UTP4: variants seen among roughly 807,000 people sequenced by gnomAD.
The protein encoded by UTP4 is U3 small nucleolar RNA-associated protein 4 homolog.
UTP4 carries 45 observed loss-of-function variants against 82.4 expected under a neutral mutation model. The observed-to-expected ratio is 0.55, with a 90% confidence interval of 0.43 to 0.70. UTP4 has a LOEUF of 0.70. UTP4 is among the 30% of genes least tolerant of loss of function. UTP4 has a pLI of 0.00. For missense variants in UTP4, 819 were observed against 858.3 expected, an observed-to-expected ratio of 0.95 and a Z score of 0.57; for synonymous variants, 348 against 300.3, an observed-to-expected ratio of 1.16 and a Z score of -1.64.
intron 6 of UTP4, among the ~76,000 whole-genome samples, chr16:69,149,023 A>G (rs993654132): frequency 6.6e-6 from 1 of 151,854 alleles, no homozygotes; most frequent in South Asian, 2.1e-4. Flanking sequence ...AGGCGGGCGG[A>G]TCACCTGAGG....
intron 11 of UTP4, among the ~76,000 whole-genome samples, chr16:69,156,756 C>G (rs1047255887): frequency 2.0e-5 from 3 of 152,206 alleles, no homozygotes; most frequent in Admixed American, 2.0e-4. Flanking sequence ...TGCGCCCGGC[C>G]CACACCCAGC....
At position 69,163,094 on chromosome 16, in the gene UTP4, G is replaced by A. The variant is rs574869454; in HGVS notation, c.1563G>A (p.Thr521=). Reference sequence around the variant, plus strand: ...TTATTTGTTCCCAGCTTCACTGCACGGTGCCTGCTTACAATTTCCCAGTGA... The same window carrying A: ...TTATTTGTTCCCAGCTTCACTGCACAGTGCCTGCTTACAATTTCCCAGTGA... ...YNVKQLKLHC[T]VPAYNFPVTA... is the part of the protein sequence containing the mutation. Residue 521 remains threonine, a synonymous_variant, in exon 14 of 17, where the codon ACG becomes ACA. Coordinates refer to ENST00000314423, the MANE Select transcript of UTP4 (RefSeq NM_032830.3). 2.7e-5 allele frequency: 43 copies of A among 1,613,788 alleles called. No homozygotes were observed. Among genetic ancestry groups the A allele is most frequent in the South Asian group, 1.5e-4 (14 of 91,080 alleles).
intron 1 of UTP4, 35 bp from the exon 2 acceptor site, chr16:69,133,423 C>T (rs1308907741): frequency 6.2e-7 from 1 of 1,605,630 alleles, no homozygotes. Flanking sequence ...CTGCAGTTAA[C>T]ATATAGCAAT....
intron 6 of UTP4, among the ~76,000 whole-genome samples, chr16:69,150,282 A>T (rs1472388727): frequency 1.3e-5 from 2 of 151,958 alleles, no homozygotes; most frequent in Admixed American, 6.6e-5. Context: ...TTCTAAGGAG[A>T]TCTATGTTGG....
At position 69,155,964 on chromosome 16, in the gene UTP4, T is replaced by C. The variant is rs769745651; in HGVS notation, c.1258T>C (p.Tyr420His). The change falls in exon 11 of 17, where the codon TAT becomes CAT. Residue 420 changes from tyrosine (Y) to histidine (H), a missense_variant. By Grantham distance (83) the Tyr-to-His change is moderately conservative (BLOSUM62 2). Coordinates refer to ENST00000314423, the MANE Select transcript of UTP4 (RefSeq NM_032830.3). ...VSRFFLYRLN[Y>H]EHDNISLKRV... is the part of the protein sequence containing the mutation. Reference sequence around the variant, plus strand: ...TCGGTTTTTTCTCTATCGGCTGAATTATGAACATGACAACATAAGCCTCAA... The same window carrying C: ...TCGGTTTTTTCTCTATCGGCTGAATCATGAACATGACAACATAAGCCTCAA... The C allele has an allele frequency of 1.2e-6, 2 of 1,614,176 alleles. No homozygotes were observed. Among genetic ancestry groups the C allele is most frequent in the Admixed American group, 1.7e-5 (1 of 60,014 alleles).
intron 4 of UTP4, chr16:69,139,060 C>T (rs986443369): frequency 6.7e-6 from 1 of 149,512 alleles, no homozygotes; most frequent in Non-Finnish European, 1.5e-5. Context: ...CCTCTGCCTC[C>T]TGGGTTCAAG....
At chr16:69,132,924 T>C (rs1445385638) in intron 1 of UTP4, 1 of 204,252 alleles carries the variant, frequency 4.9e-6, no homozygotes, top group East Asian at 1.6e-4. Context: ...GTTCCTAACC[T>C]TGAAGCTAGG....
chr16:69,144,043 A>G (rs780745427), intron 6 of UTP4, among the ~76,000 whole-genome samples: 8 of 150,824 alleles, frequency 5.3e-5, no homozygotes, highest in Non-Finnish European at 7.4e-5. Context: ...CCCTGTCACC[A>G]CACCCAGCTA....
In UTP4 at chr16:69,136,745, A is replaced by G. The variant is rs1962823941; in HGVS notation, c.209A>G (p.Glu70Gly). Residue 70 changes from glutamate (E) to glycine (G), a missense_variant, in exon 3 of 17, where the codon GAA (glutamate) becomes GGA (glycine). Glu to Gly is a moderately conservative substitution (Grantham distance 98). Transcript: ENST00000314423. ...GCTACAGAAGCTTTGTGCTGGGCAG[A>G]AGGACAGCGACTCTTTAGTGCTGGG... is the stretch of plus-strand genomic sequence containing the variant. Reference protein sequence around the residue: ...SRATEALCWAEGQRLFSAGLN... With the variant: ...SRATEALCWAGGQRLFSAGLN... 1 of 1,613,990 alleles carries G rather than the reference A, an allele frequency of 6.2e-7. No individual in the cohort carries two copies.
At chr16:69,154,653 A>C (rs906324615) in intron 10 of UTP4, among the ~76,000 whole-genome samples, 196 bp downstream of exon 10, 3 of 152,218 alleles carry the variant, frequency 2.0e-5, no homozygotes, top group Middle Eastern at 3.4e-3. Flanking sequence ...AGATGGATGT[A>C]TACAGGAAAT....
At chr16:69,160,113 C>A (rs780109438) in intron 12 of UTP4, among the ~76,000 whole-genome samples, 2 of 152,142 alleles carry the variant, frequency 1.3e-5, no homozygotes, top group Non-Finnish European at 2.9e-5. Flanking sequence ...GTGTCTTAGG[C>A]CTGAGGAAGT....
intron 3 of UTP4, among the ~76,000 whole-genome samples, chr16:69,137,367 G>A (rs1171802991): frequency 6.6e-6 from 1 of 152,026 alleles, no homozygotes; most frequent in African/African-American, 2.4e-5. Context: ...CATTAGAGTG[G>A]GTGCTTCCAG....
chr16:69,137,963 T>A, intron 4 of UTP4, 78 bp downstream of exon 4: 4 of 891,906 alleles, frequency 4.5e-6, no homozygotes, highest in African/African-American at 1.6e-5. Flanking sequence ...ATGGGATATT[T>A]TCCCATGAAT....
intron 15 of UTP4, chr16:69,165,937 G>A: frequency 3.0e-6 from 1 of 333,272 alleles, no homozygotes; most frequent in Non-Finnish European, 5.8e-6. Flanking sequence ...CATTAAAGGA[G>A]GTACAGGCTG....
chr16:69,165,402 A>C lies in UTP4; in HGVS notation c.1709A>C (p.Gln570Pro). Residue 570 changes from glutamine (Q) to proline (P), a missense_variant, in exon 15 of 17, where the codon CAG (glutamine) becomes CCG (proline). Gln to Pro is a moderately conservative substitution (Grantham distance 76, BLOSUM62 -1). Transcript: ENST00000314423. ...YTDWSRTVQK[Q>P]GFHHLWLQRD... ...GATTGGAGCCGGACTGTCCAGAAGC[A>C]GGGCTTTCACCACCTTTGGCTCCAA... 1 of 1,614,136 alleles carries C rather than the reference A, an allele frequency of 6.2e-7. No homozygotes were observed. The highest frequency in any genetic ancestry group is 8.5e-7 in the Non-Finnish European group (1 of 1,180,022).
intron 4 of UTP4, among the ~76,000 whole-genome samples, chr16:69,138,543 A>T (rs2152277029): frequency 6.6e-6 from 1 of 152,308 alleles, no homozygotes; most frequent in East Asian, 1.9e-4. Flanking sequence ...CTGGCCAAGG[A>T]ACTGTGGTTC....
At chr16:69,164,275 C>T (rs1963641967) in intron 14 of UTP4, among the ~76,000 whole-genome samples, 1 of 152,120 alleles carries the variant, frequency 6.6e-6, no homozygotes. Context: ...TGACCAAAGA[C>T]TGAAAGAGTA....
rs35834911 is a variant in UTP4, at chr16:69,151,625, CTTT to C, written c.1002+733_1002+735del. 1.4e-4 allele frequency among the ~76,000 whole-genome samples: 21 copies of C among 145,324 alleles called. No individual in the cohort carries two copies. In the East Asian group the frequency reaches 1.6e-3, roughly 11 times the overall value. On this transcript the variant is annotated intron_variant, in intron 8 of 16. Transcript: ENST00000314423. ...GTGAGCCACTGTGCCCAGCCCCTGC[CTTT>C]TTTTTTTTTTTAACCATCTGGGACA...
intron 14 of UTP4, among the ~76,000 whole-genome samples, chr16:69,163,868 C>A (rs1339541880): frequency 2.0e-5 from 3 of 147,336 alleles, no homozygotes; most frequent in African/African-American, 7.6e-5. Flanking sequence ...ATGCTTACTG[C>A]TTTGATGGTC....
Sources: allele counts gnomAD v4.1 joint callset (sites outside exome capture counted in the v4.1 genomes callset), GRCh38; gene constraint gnomAD v4.1.1; transcripts MANE v1.5; gene names NCBI Gene and HGNC (gene_info 2026-07-23, HGNC 2026-07-21).